COL4A4: variants seen among roughly 807,000 people sequenced by gnomAD.
COL4A4 encodes the protein collagen type IV alpha 4 chain, also known as collagen alpha-4(IV) chain.
A neutral mutation model predicts 192.9 loss-of-function variants in COL4A4; 105 were observed. The ratio of observed to expected loss-of-function variants is 0.54; its 90% CI spans 0.46 to 0.64. COL4A4 has a LOEUF of 0.64. Among genes scored for constraint, COL4A4 ranks in the 30% least tolerant of loss-of-function variants. COL4A4 has a pLI of 0.00. For missense variants in COL4A4, 1,967 were observed against 2,169.3 expected, an observed-to-expected ratio of 0.91 and a Z score of 1.85; for synonymous variants, 762 against 769.9, an observed-to-expected ratio of 0.99 and a Z score of 0.17.
At chr2:227,151,442 C>T (rs540438060) in intron 1 of COL4A4, among the ~76,000 whole-genome samples, 96 of 152,216 alleles carry the variant, frequency 6.3e-4, no homozygotes, top group Middle Eastern at 3.4e-3. Flanking sequence ...TCAAGATCAA[C>T]GATCCTTTCT....
At chr2:227,157,756 T>A (rs2064469183) in intron 1 of COL4A4, among the ~76,000 whole-genome samples, 1 of 151,962 alleles carries the variant, frequency 6.6e-6, no homozygotes, top group South Asian at 2.1e-4. Flanking sequence ...ATTAATGAAT[T>A]TTGTAAGTAA....
downstream of COL4A4, among the ~76,000 whole-genome samples, chr2:227,002,343 G>C (rs1961203960): frequency 6.6e-6 from 1 of 152,182 alleles, no homozygotes; most frequent in Admixed American, 6.5e-5. Flanking sequence ...TCTCTTTGTA[G>C]TTAACTTTCA....
chr2:227,144,226 A>T (rs1423940915), intron 3 of COL4A4, among the ~76,000 whole-genome samples: 1 of 152,154 alleles, frequency 6.6e-6, no homozygotes, highest in African/African-American at 2.4e-5. Context: ...GTATTTCTTG[A>T]TTTAATCTTG....
intron 14 of COL4A4, 61 bp from the exon 15 acceptor site, chr2:227,102,909 CAATATTTCAGCAATAG>C: frequency 6.6e-6 from 2 of 303,812 alleles, no homozygotes; most frequent in Non-Finnish European, 1.0e-5. Flanking sequence ...ATAGGGAAAG[CAATATTTCAGCAATAG>C]GGAAAAAAAA....
chr2:227,144,427 G>A lies in COL4A4; in HGVS notation c.114+89C>T. On this transcript the variant is annotated intron_variant, in intron 3 of 47. Coordinates refer to ENST00000396625, the MANE Select transcript of COL4A4 (RefSeq NM_000092.5). The stretch of plus-strand genomic sequence containing the variant: ...TTACAGGTAAGAAAATTGAGTCCCA[G>A]AGGGTGATTTCTTTGAAAGTATAAC... 14 of 1,127,432 alleles carry A rather than the reference G, an allele frequency of 1.2e-5. No individual in the cohort carries two copies. In the South Asian group the frequency reaches 1.7e-4, roughly 13 times the overall value. 69.8% of individuals were successfully genotyped at this position (1,127,432 alleles called of 1,614,324 possible).
intron 37 of COL4A4, among the ~76,000 whole-genome samples, chr2:227,041,828 GAA>G (rs763274292): frequency 0.051 from 2,609 of 50,790 alleles, 117 homozygotes; most frequent in South Asian, 0.064. Context: ...AAGAAAGAAA[GAA>G]AGAAAGAAAG....
intron 7 of COL4A4, among the ~76,000 whole-genome samples, chr2:227,118,189 C>G (rs554201188): frequency 6.6e-6 from 1 of 152,236 alleles, no homozygotes; most frequent in African/African-American, 2.4e-5. Flanking sequence ...TTTTACTCTT[C>G]CAACTATTAT....
chr2:227,058,435 C>T (rs928517169), intron 28 of COL4A4, among the ~76,000 whole-genome samples: 1 of 152,130 alleles, frequency 6.6e-6, no homozygotes, highest in Admixed American at 6.5e-5. Context: ...TTTTTATTGA[C>T]TTACATTATG....
At chr2:227,033,644 T>C (rs996636581) in intron 37 of COL4A4, among the ~76,000 whole-genome samples, 163 bp from the exon 38 acceptor site, 7 of 152,214 alleles carry the variant, frequency 4.6e-5, no homozygotes, top group Admixed American at 2.6e-4. Flanking sequence ...GGCCCAGGAC[T>C]ATTTAACACA....
At chr2:227,108,433 AT>A in intron 12 of COL4A4, 147 bp downstream of exon 12, 1 of 767,124 alleles carries the variant, frequency 1.3e-6, no homozygotes, top group South Asian at 1.5e-5. Context: ...TAATGGTGCC[AT>A]AATAATTCGG....
In COL4A4 at chr2:227,047,528, C is replaced by T. The variant is rs1346643218; in HGVS notation, c.3236G>A (p.Ser1079Asn). ...GPKGNKGDPA[S>N]HFGPPGPKGE... is the part of the protein sequence containing the mutation. ...CTTTGGACCAGGTGGACCAAAGTGACTGGCAGGGTCACCTTTGTTTCCTGA... is the reference window on the plus strand; with the variant it reads ...CTTTGGACCAGGTGGACCAAAGTGATTGGCAGGGTCACCTTTGTTTCCTGA... The change falls in exon 35 of 48, where the codon AGT (serine) becomes AAT (asparagine). Residue 1079 changes from serine to asparagine, a missense_variant. Physicochemically the swap from Ser to Asn is conservative, Grantham distance 46. Coordinates refer to ENST00000396625, the MANE Select transcript of COL4A4 (RefSeq NM_000092.5). 1.9e-6 allele frequency: 3 copies of T among 1,613,686 alleles called. No individual in the cohort carries two copies. In the South Asian group the frequency reaches 3.3e-5, roughly 18 times the overall value.
At chr2:227,114,771 A>T in intron 7 of COL4A4, 75 bp from the exon 8 acceptor site, 2 of 1,169,156 alleles carry the variant, frequency 1.7e-6, no homozygotes, top group African/African-American at 3.1e-5. Context: ...TCTATATAAA[A>T]TATAACTCAT....
chr2:227,067,292 A>G (rs2058404762), intron 25 of COL4A4, among the ~76,000 whole-genome samples: 1 of 152,136 alleles, frequency 6.6e-6, no homozygotes, highest in South Asian at 2.1e-4. Context: ...TCCACTGTCA[A>G]CATTAGACAG....
intron 44 of COL4A4, among the ~76,000 whole-genome samples, chr2:227,016,461 C>A (rs1360483603): frequency 6.6e-6 from 1 of 152,172 alleles, no homozygotes; most frequent in Non-Finnish European, 1.5e-5. Context: ...ATTTTAGTAA[C>A]CCCAGTTACA....
At chr2:227,036,648 T>C (rs1263113583) in intron 37 of COL4A4, among the ~76,000 whole-genome samples, 1 of 152,202 alleles carries the variant, frequency 6.6e-6, no homozygotes, top group African/African-American at 2.4e-5. Context: ...AAGATATGGT[T>C]TCCTAATGCA....
chr2:227,133,163 G>A (rs2062592531), intron 4 of COL4A4, among the ~76,000 whole-genome samples: 1 of 152,162 alleles, frequency 6.6e-6, no homozygotes, highest in Non-Finnish European at 1.5e-5. Flanking sequence ...AGTTGTTGCT[G>A]TGGAATTGAA....
At chr2:227,152,779 A>G (rs2064040380) in intron 1 of COL4A4, among the ~76,000 whole-genome samples, 1 of 152,252 alleles carries the variant, frequency 6.6e-6, no homozygotes, top group South Asian at 2.1e-4. Context: ...AAAATACCCC[A>G]TCACTCAGAA....
chr2:227,047,435 C>A (rs375598559), intron 35 of COL4A4, 40 bp downstream of exon 35: 119 of 1,426,720 alleles, frequency 8.3e-5, no homozygotes, highest in Non-Finnish European at 1.2e-4. Flanking sequence ...TCAAACTAAA[C>A]TACTTTTTTT....
At chr2:227,122,725 G>C (rs2061865502) in intron 4 of COL4A4, among the ~76,000 whole-genome samples, 1 of 152,214 alleles carries the variant, frequency 6.6e-6, no homozygotes, top group African/African-American at 2.4e-5. Flanking sequence ...CAATCGCATA[G>C]CATGAAGGCC....
Sources: gnomAD v4.1 joint callset for allele counts (sites outside exome capture counted in the v4.1 genomes callset) on GRCh38, gnomAD v4.1.1 for gene constraint, MANE v1.5 for transcripts, NCBI Gene and HGNC (gene_info 2026-07-23, HGNC 2026-07-21) for gene names.